Variants in TBC1D5 observed in about 807,000 individuals in gnomAD.
TBC1D5 encodes the protein TBC1 domain family, member 5.
TBC1D5 carries 75 observed loss-of-function variants against 100.3 expected under a neutral mutation model. The ratio of observed to expected loss-of-function variants is 0.75; its 90% CI spans 0.62 to 0.91. The LOEUF (loss-of-function observed/expected upper bound fraction) is 0.91. Ranked by LOEUF, TBC1D5 falls within the 40% of genes least tolerant of loss-of-function variation. The pLI, the probability that TBC1D5 is intolerant of heterozygous loss-of-function variation, is 0.00. For synonymous variants in TBC1D5, 323 were observed against 325.6 expected, an observed-to-expected ratio of 0.99 and a Z score of 0.09; for missense variants, 910 against 942.4, an observed-to-expected ratio of 0.97 and a Z score of 0.45.
chr3:17,212,455 C>T (rs2125977290), intron 18 of TBC1D5, among the ~76,000 whole-genome samples: 1 of 152,166 alleles, frequency 6.6e-6, no homozygotes, highest in South Asian at 2.1e-4. Context: ...GTATTTACTA[C>T]ATTATACTTT....
chr3:17,581,204 C>T (rs746058472), intron 2 of TBC1D5, among the ~76,000 whole-genome samples: 1 of 152,188 alleles, frequency 6.6e-6, no homozygotes, highest in Non-Finnish European at 1.5e-5. Flanking sequence ...CTTTGCCTTC[C>T]GCCATGATTG....
chr3:17,582,776 A>G (rs2153538704), intron 2 of TBC1D5, among the ~76,000 whole-genome samples: 2 of 151,548 alleles, frequency 1.3e-5, no homozygotes, highest in African/African-American at 4.9e-5. Flanking sequence ...CTACACAGAT[A>G]CCAAAAAGCA....
intron 1 of TBC1D5, among the ~76,000 whole-genome samples, chr3:17,671,253 C>A (rs956659472): frequency 4.6e-5 from 7 of 152,150 alleles, no homozygotes; most frequent in African/African-American, 7.2e-5. Flanking sequence ...TCAAAGTCAG[C>A]AACTGCAGTC....
At chr3:17,323,552 C>A (rs2085704452) in intron 13 of TBC1D5, among the ~76,000 whole-genome samples, 1 of 151,734 alleles carries the variant, frequency 6.6e-6, no homozygotes, top group African/African-American at 2.4e-5. Flanking sequence ...ATACTAGAAA[C>A]AAATAACTAG....
At chr3:17,227,483 A>T (rs1268229476) in intron 17 of TBC1D5, among the ~76,000 whole-genome samples, 1 of 152,152 alleles carries the variant, frequency 6.6e-6, no homozygotes, top group Non-Finnish European at 1.5e-5. Flanking sequence ...TCTAAAGTTG[A>T]AGGTGCCCCA....
intron 3 of TBC1D5, among the ~76,000 whole-genome samples, chr3:17,460,712 C>A (rs2095188737): frequency 6.7e-6 from 1 of 150,354 alleles, no homozygotes; most frequent in South Asian, 2.1e-4. Context: ...TACATATATG[C>A]CAAAAAAGGA....
intron 15 of TBC1D5, among the ~76,000 whole-genome samples, chr3:17,259,987 T>C (rs1004972001): frequency 1.2e-4 from 18 of 152,170 alleles, no homozygotes; most frequent in African/African-American, 4.3e-4. Context: ...TGAAGATAAC[T>C]GATGCTTCCA....
chr3:17,497,449 C>G (rs1377426117), intron 3 of TBC1D5, among the ~76,000 whole-genome samples: 1 of 152,196 alleles, frequency 6.6e-6, no homozygotes, highest in Non-Finnish European at 1.5e-5. Flanking sequence ...AATGAATGAA[C>G]ATCAGGTCTT....
At chr3:17,333,196 T>C (rs2087132351) in intron 13 of TBC1D5, 1 of 152,292 alleles carries the variant, frequency 6.6e-6, no homozygotes, top group Non-Finnish European at 1.5e-5. Flanking sequence ...TTAAAAAAAC[T>C]TTAGGGTTCA....
intron 16 of TBC1D5, among the ~76,000 whole-genome samples, chr3:17,249,848 A>G (rs2077042270): frequency 6.6e-6 from 1 of 152,192 alleles, no homozygotes; most frequent in South Asian, 2.1e-4. Context: ...TATTGATTAA[A>G]TTTGCTGTCT....
chr3:17,644,299 A>G (rs916596496), intron 1 of TBC1D5, among the ~76,000 whole-genome samples: 2 of 152,144 alleles, frequency 1.3e-5, no homozygotes, highest in African/African-American at 4.8e-5. Flanking sequence ...CACTGAGGTC[A>G]AAGAATGTCA....
intron 3 of TBC1D5, among the ~76,000 whole-genome samples, chr3:17,460,738 C>T (rs1334369275): frequency 6.6e-6 from 1 of 151,302 alleles, no homozygotes; most frequent in Non-Finnish European, 1.5e-5. Context: ...CACTTCAATG[C>T]CAAGCTCACA....
At chr3:17,584,725 C>T (rs1474821270) in intron 2 of TBC1D5, among the ~76,000 whole-genome samples, 3 of 152,148 alleles carry the variant, frequency 2.0e-5, no homozygotes, top group East Asian at 1.9e-4. Context: ...GGCACGATCT[C>T]GGCTCACTGC....
intron 1 of TBC1D5, among the ~76,000 whole-genome samples, chr3:17,696,731 G>A (rs575427044): frequency 6.6e-6 from 1 of 152,250 alleles, no homozygotes; most frequent in Non-Finnish European, 1.5e-5. Context: ...AGACAAAGAG[G>A]AAATCCTCCC....
intron 4 of TBC1D5, among the ~76,000 whole-genome samples, chr3:17,423,270 C>T (rs2094258887): frequency 6.6e-6 from 1 of 151,758 alleles, no homozygotes; most frequent in Non-Finnish European, 1.5e-5. Context: ...ATATGAAATA[C>T]AATATTTTGT....
rs1040236713 is a variant in TBC1D5, at chr3:17,700,994, G to A, written c.-101+38349C>T. 1.3e-5 allele frequency among the ~76,000 whole-genome samples: 2 copies of A among 152,068 alleles called. 1 individual carries two copies. Among genetic ancestry groups the A allele is most frequent in the Non-Finnish European group, 2.9e-5 (2 of 68,008 alleles). On this transcript the variant is annotated intron_variant, in intron 1 of 21. Transcript: ENST00000253692. The stretch of plus-strand genomic sequence containing the variant: ...CCCATTACTAGGTATATACCCAAAG[G>A]ATTATAAATCATGCTACTATAAAGA...
At chr3:17,661,711 G>T (rs1270513793) in intron 1 of TBC1D5, among the ~76,000 whole-genome samples, 2 of 152,038 alleles carry the variant, frequency 1.3e-5, no homozygotes, top group East Asian at 1.9e-4. Context: ...TGTTGGCCAG[G>T]ATGGTCTCGA....
chr3:17,387,191 T>C (rs1454080049), intron 8 of TBC1D5, among the ~76,000 whole-genome samples: 1 of 152,050 alleles, frequency 6.6e-6, no homozygotes, highest in East Asian at 1.9e-4. Context: ...ATTTCAAAAG[T>C]TGGAAAAAGA....
chr3:17,712,309 C>A (rs6810235), intron 1 of TBC1D5, among the ~76,000 whole-genome samples: 86,578 of 151,940 alleles, frequency 0.57, 25,495 homozygotes, highest in East Asian at 0.99. Flanking sequence ...AGAATTTTAC[C>A]ATAGATCTTT....
Sources: allele counts gnomAD v4.1 joint callset (sites outside exome capture counted in the v4.1 genomes callset), GRCh38; gene constraint gnomAD v4.1.1; transcripts MANE v1.5; gene names NCBI Gene and HGNC (gene_info 2026-07-23, HGNC 2026-07-21).